GOLM1: variants seen among roughly 807,000 people sequenced by gnomAD.
GOLM1 encodes the protein golgi membrane protein 1.
A neutral mutation model predicts 50.5 loss-of-function variants in GOLM1; 31 were observed. That is an observed-to-expected ratio of 0.61 (90% confidence interval 0.46 to 0.83). GOLM1 has a LOEUF of 0.83. Ranked by LOEUF, GOLM1 falls within the 40% of genes least tolerant of loss-of-function variation. GOLM1 has a pLI of 0.00. For synonymous variants in GOLM1, 178 were observed against 192.8 expected (o/e 0.92, Z 0.64); for missense variants, 491 against 501.3 (o/e 0.98, Z 0.20).
Position 86,027,684 on chromosome 9 carries a change from A to G in GOLM1, c.*133T>C. The G allele has an allele frequency of 7.0e-7, 1 of 1,424,482 alleles. No homozygotes were observed. The highest frequency in any genetic ancestry group is 1.6e-5 in the South Asian group (1 of 62,330). The allele number at this position is 1,424,482 out of a possible 1,614,324, so 88.2% of individuals were successfully genotyped here. On this transcript the variant is annotated 3_prime_UTR_variant, in exon 10 of 10. Coordinates refer to ENST00000388712, the MANE Select transcript of GOLM1 (RefSeq NM_016548.4). The stretch of plus-strand genomic sequence containing the variant: ...TTTTTTCCTACACAAAGTGCATACT[A>G]AAATTTCACAATAATCATCTTCAGA...
chr9:86,084,815 T>C (rs1378116163), intron 1 of GOLM1: 1 of 152,184 alleles, frequency 6.6e-6, no homozygotes, highest in Non-Finnish European at 1.5e-5. Flanking sequence ...TTTAGGAGGC[T>C]GAGGCAAGCG....
At chr9:86,054,267 CTT>C (rs1377924416) in intron 3 of GOLM1, among the ~76,000 whole-genome samples, 34 of 140,082 alleles carry the variant, frequency 2.4e-4, no homozygotes, top group Admixed American at 5.8e-4. Flanking sequence ...CACTCATTGA[CTT>C]TTTTTTTTTT....
At chr9:86,076,874 A>G (rs189942728) in intron 3 of GOLM1, among the ~76,000 whole-genome samples, 12 of 151,538 alleles carry the variant, frequency 7.9e-5, no homozygotes, top group Non-Finnish European at 1.2e-4. Context: ...AAAAAAAAAG[A>G]CACATAAAGC....
chr9:86,075,350 C>A (rs1281486270), intron 3 of GOLM1, among the ~76,000 whole-genome samples: 1 of 152,266 alleles, frequency 6.6e-6, no homozygotes, highest in Non-Finnish European at 1.5e-5. Context: ...ACCACTGCTG[C>A]TGTGATCATG....
At chr9:86,047,650 C>A (rs1454305715) in intron 4 of GOLM1, among the ~76,000 whole-genome samples, 1 of 152,062 alleles carries the variant, frequency 6.6e-6, no homozygotes, top group African/African-American at 2.4e-5. Flanking sequence ...ACTGTACCCA[C>A]GAGGGGTAAA....
At chr9:86,035,971 G>A (rs985612196) in intron 7 of GOLM1, among the ~76,000 whole-genome samples, 1 of 151,480 alleles carries the variant, frequency 6.6e-6, no homozygotes, top group Non-Finnish European at 1.5e-5. Context: ...CATCGGGTCC[G>A]CTGGAGCAAG....
chr9:86,085,255 T>C (rs555473903), intron 1 of GOLM1, among the ~76,000 whole-genome samples: 3 of 152,344 alleles, frequency 2.0e-5, no homozygotes, highest in Non-Finnish European at 4.4e-5. Flanking sequence ...TTTCATTTAT[T>C]GGCCATCTGC....
chr9:86,046,904 C>T (rs370935686), intron 4 of GOLM1, among the ~76,000 whole-genome samples: 1 of 148,534 alleles, frequency 6.7e-6, no homozygotes, highest in African/African-American at 2.5e-5. Context: ...ACATCATAAG[C>T]CCCGAGCTGT....
At chr9:86,058,567 G>A (rs1453941521) in intron 3 of GOLM1, among the ~76,000 whole-genome samples, 1 of 152,064 alleles carries the variant, frequency 6.6e-6, no homozygotes, top group Non-Finnish European at 1.5e-5. Context: ...ATGGTGGTAT[G>A]TGCCTGTAGT....
intron 2 of GOLM1, among the ~76,000 whole-genome samples, chr9:86,078,634 G>A (rs56353579): frequency 0.019 from 2,933 of 152,196 alleles, 32 homozygotes; most frequent in Middle Eastern, 0.068. Context: ...TCAAGAAGAC[G>A]GCTCAGAAGG....
At chr9:86,028,078 G>A (rs1450736720) in intron 9 of GOLM1, among the ~76,000 whole-genome samples, 185 bp from the exon 10 acceptor site, 1 of 151,942 alleles carries the variant, frequency 6.6e-6, no homozygotes, top group East Asian at 1.9e-4. Flanking sequence ...ATGGGAGGGG[G>A]ACAGGGAAGT....
At chr9:86,043,311 C>T (rs375338760) in intron 5 of GOLM1, among the ~76,000 whole-genome samples, 20 of 152,156 alleles carry the variant, frequency 1.3e-4, no homozygotes, top group African/African-American at 4.8e-4. Context: ...GGGATGTGTG[C>T]TGACTGATTC....
chr9:86,053,775 T>C (rs1833901172), intron 3 of GOLM1, among the ~76,000 whole-genome samples: 1 of 128,720 alleles, frequency 7.8e-6, no homozygotes, highest in African/African-American at 3.3e-5. Flanking sequence ...CACCAAACCA[T>C]ACACATCACA....
At chr9:86,041,568 G>A (rs1427241874) in intron 5 of GOLM1, among the ~76,000 whole-genome samples, 1 of 152,204 alleles carries the variant, frequency 6.6e-6, no homozygotes, top group African/African-American at 2.4e-5. Flanking sequence ...TCCCCCCGGC[G>A]CCTGCCCTCA....
intron 1 of GOLM1, among the ~76,000 whole-genome samples, chr9:86,098,585 G>A (rs1835423702): frequency 1.3e-5 from 2 of 152,160 alleles, no homozygotes; most frequent in South Asian, 2.1e-4. Context: ...ATCTGGCTAT[G>A]GGACATCTGA....
intron 1 of GOLM1, among the ~76,000 whole-genome samples, chr9:86,083,211 T>C (rs932033418): frequency 6.6e-6 from 1 of 152,212 alleles, no homozygotes; most frequent in Non-Finnish European, 1.5e-5. Context: ...GCATACTATG[T>C]GAATCCAACC....
At chr9:86,029,581 TA>T (rs1213512906) in intron 9 of GOLM1, among the ~76,000 whole-genome samples, 1 of 152,216 alleles carries the variant, frequency 6.6e-6, no homozygotes, top group East Asian at 1.9e-4. Flanking sequence ...AATGGTAGTT[TA>T]ATGACCATTA....
At chr9:86,086,410 G>A (rs947689910) in intron 1 of GOLM1, among the ~76,000 whole-genome samples, 1 of 151,986 alleles carries the variant, frequency 6.6e-6, no homozygotes, top group African/African-American at 2.4e-5. Flanking sequence ...TATTCTGTAG[G>A]CTGCCTGTTC....
intron 1 of GOLM1, chr9:86,085,164 T>C (rs1002734789): frequency 1.3e-4 from 20 of 152,192 alleles, no homozygotes; most frequent in African/African-American, 4.3e-4. Flanking sequence ...CATGGTAACA[T>C]AGAAAACAAA....
Sources: allele counts gnomAD v4.1 joint callset (sites outside exome capture counted in the v4.1 genomes callset), GRCh38; gene constraint gnomAD v4.1.1; transcripts MANE v1.5; gene names NCBI Gene and HGNC (gene_info 2026-07-23, HGNC 2026-07-21).